The following RETREG1 variants were observed in gnomAD, a reference collection of about 807,000 sequenced individuals.
RETREG1 encodes reticulophagy regulator 1, also known as family with sequence similarity 134 member B.
RETREG1 carries 44 observed loss-of-function variants against 54.8 expected under a neutral mutation model. The observed-to-expected ratio is 0.80, with a 90% CI of 0.63 to 1.03. The LOEUF (loss-of-function observed/expected upper bound fraction) is 1.03. Ranked by LOEUF, RETREG1 falls within the 50% of genes least tolerant of loss-of-function variation. RETREG1 has a pLI of 0.00. For synonymous variants in RETREG1, 217 were observed against 238.5 expected, an observed-to-expected ratio of 0.91 and a Z score of 0.83; for missense variants, 554 against 605.1, an observed-to-expected ratio of 0.92 and a Z score of 0.89.
intron 2 of RETREG1, 104 bp from the exon 3 acceptor site, chr5:16,565,897 G>T (rs1399234052): frequency 1.6e-6 from 2 of 1,215,934 alleles, no homozygotes; most frequent in Admixed American, 3.9e-5. Flanking sequence ...GGAATGCTCA[G>T]ATCTCTAACA....
chr5:16,498,353 C>T (rs957491597), intron 3 of RETREG1, among the ~76,000 whole-genome samples: 3 of 152,130 alleles, frequency 2.0e-5, no homozygotes, highest in African/African-American at 7.2e-5. Flanking sequence ...GCAATTTTAA[C>T]ACAATGGTAA....
intron 3 of RETREG1, among the ~76,000 whole-genome samples, chr5:16,559,999 C>G (rs1164232883): frequency 1.3e-5 from 2 of 152,176 alleles, no homozygotes; most frequent in African/African-American, 4.8e-5. Context: ...AGCATGGGTC[C>G]TTCTCAGAAC....
chr5:16,570,499 G>T (rs1001766419), intron 2 of RETREG1, among the ~76,000 whole-genome samples: 1 of 152,170 alleles, frequency 6.6e-6, no homozygotes, highest in African/African-American at 2.4e-5. Context: ...TGCTCAGCTT[G>T]CTTCCTGGGT....
chr5:16,577,332 T>C (rs922118090), intron 1 of RETREG1, among the ~76,000 whole-genome samples: 1 of 151,060 alleles, frequency 6.6e-6, no homozygotes, highest in African/African-American at 2.4e-5. Context: ...TAGGTGGTAG[T>C]GCCTGTTTCC....
intron 3 of RETREG1, among the ~76,000 whole-genome samples, chr5:16,522,536 C>G (rs909117187): frequency 6.6e-6 from 1 of 152,064 alleles, no homozygotes; most frequent in Non-Finnish European, 1.5e-5. Context: ...AAAACAAACC[C>G]AAAACTTGAA....
intron 8 of RETREG1, 138 bp from the exon 9 acceptor site, chr5:16,475,372 T>C (rs1465652166): frequency 1.1e-6 from 1 of 907,820 alleles, no homozygotes; most frequent in Non-Finnish European, 1.7e-6. Context: ...TCAACTTGAA[T>C]CAATTTAACC....
intron 3 of RETREG1, among the ~76,000 whole-genome samples, chr5:16,553,557 T>C (rs1226827323): frequency 2.0e-5 from 3 of 152,144 alleles, no homozygotes; most frequent in South Asian, 4.2e-4. Context: ...TTAGATTTTG[T>C]TTAAATATAT....
intron 2 of RETREG1, among the ~76,000 whole-genome samples, chr5:16,567,193 T>A (rs1579690506): frequency 6.6e-6 from 1 of 152,108 alleles, no homozygotes; most frequent in Admixed American, 6.5e-5. Flanking sequence ...TGAAGAACAG[T>A]ACAAGTGGCA....
chr5:16,552,003 G>T (rs1302966892), intron 3 of RETREG1, among the ~76,000 whole-genome samples: 6 of 152,080 alleles, frequency 3.9e-5, no homozygotes, highest in Non-Finnish European at 7.3e-5. Flanking sequence ...ATGACATGGG[G>T]CCACCTGGAT....
rs1447125873 is a variant in RETREG1 at position 16,473,677 on chromosome 5, A to G, written c.*1064T>C. 6.6e-6 allele frequency: 1 copy of G among 152,520 alleles called. No individual in the cohort carries two copies. The allele number at this position is 152,520 out of a possible 1,614,324, so 9.4% of individuals were successfully genotyped here. A position where few individuals can be genotyped will look rare whatever the true frequency, so the allele number is the denominator to read the frequency against. On this transcript the variant is annotated 3_prime_UTR_variant, in exon 9 of 9. Transcript: ENST00000306320. ...ATTTGGTTATTTAAAAGTGACCTTA[A>G]AAAGTTTAAAGGAAAATATATATAT...
At chr5:16,565,208 T>C (rs1343756904) in intron 3 of RETREG1, among the ~76,000 whole-genome samples, 1 of 152,138 alleles carries the variant, frequency 6.6e-6, no homozygotes, top group Non-Finnish European at 1.5e-5. Context: ...ATAGAATGGA[T>C]GAATGATGGA....
At chr5:16,573,742 G>GTTTTT (rs34651832) in intron 1 of RETREG1, among the ~76,000 whole-genome samples, 6 of 126,534 alleles carry the variant, frequency 4.7e-5, no homozygotes, top group African/African-American at 8.8e-5. Flanking sequence ...TTTGTTTTTT[G>GTTTTT]TTTTTTTTTT....
Position 16,498,306 on chromosome 5 carries a change from A to C in RETREG1, c.459-14834T>G, listed in dbSNP as rs138185073. On this transcript the variant is annotated intron_variant, in intron 3 of 8. Coordinates refer to ENST00000306320, the MANE Select transcript of RETREG1 (RefSeq NM_001034850.3). ...GTACAACCTATTGCTTCTAGGCTAC[A>C]AACCTGTACAGCACTCTACTGTACT... Among the ~76,000 whole-genome samples the C allele has an allele frequency of 2.5e-3, 377 of 152,366 alleles. 3 individuals are homozygous for C. Among genetic ancestry groups the C allele is most frequent in the African/African-American group, 8.2e-3 (342 of 41,598 alleles).
chr5:16,533,159 C>T (rs935475669), intron 3 of RETREG1, among the ~76,000 whole-genome samples: 3 of 152,126 alleles, frequency 2.0e-5, no homozygotes, highest in African/African-American at 7.2e-5. Context: ...ATTCTCCTGC[C>T]TCAGCCTCCT....
At chr5:16,553,462 T>C (rs983729166) in intron 3 of RETREG1, among the ~76,000 whole-genome samples, 1 of 152,064 alleles carries the variant, frequency 6.6e-6, no homozygotes, top group African/African-American at 2.4e-5. Flanking sequence ...TTTAAATATA[T>C]ACATGTTTAT....
intron 3 of RETREG1, among the ~76,000 whole-genome samples, chr5:16,564,261 C>A (rs1741948415): frequency 6.6e-6 from 1 of 152,176 alleles, no homozygotes; most frequent in South Asian, 2.1e-4. Flanking sequence ...ACTGAACAAA[C>A]TATGTATGAA....
chr5:16,540,006 C>T (rs1741195104), intron 3 of RETREG1, among the ~76,000 whole-genome samples: 1 of 152,094 alleles, frequency 6.6e-6, no homozygotes, highest in Non-Finnish European at 1.5e-5. Context: ...AAATATAAAG[C>T]TTACTATGAT....
intron 3 of RETREG1, among the ~76,000 whole-genome samples, chr5:16,531,682 A>C (rs989471933): frequency 6.6e-6 from 1 of 152,012 alleles, no homozygotes; most frequent in Non-Finnish European, 1.5e-5. Context: ...AGGGAGGAAA[A>C]TTCCAGGCAG....
intron 1 of RETREG1, among the ~76,000 whole-genome samples, chr5:16,591,064 A>G (rs1742760489): frequency 6.6e-6 from 1 of 152,198 alleles, no homozygotes; most frequent in Admixed American, 6.5e-5. Context: ...GCACAGAATA[A>G]ATATAAAAAA....
Sources: allele counts gnomAD v4.1 joint callset (sites outside exome capture counted in the v4.1 genomes callset), GRCh38; gene constraint gnomAD v4.1.1; transcripts MANE v1.5; gene names NCBI Gene and HGNC (gene_info 2026-07-23, HGNC 2026-07-21).